Variants in TNR observed in about 807,000 individuals in gnomAD.
TNR encodes tenascin-R.
A neutral mutation model predicts 150.4 loss-of-function variants in TNR; 45 were observed. The observed-to-expected ratio is 0.30, with a 90% confidence interval of 0.24 to 0.38. The LOEUF is 0.38. TNR is among the 10% of genes least tolerant of loss of function. TNR has a pLI of 1.00. For missense variants in TNR, 1,544 were observed against 1,759.1 expected (o/e 0.88, Z 2.19); for synonymous variants, 687 against 678.4 (o/e 1.01, Z -0.20).
intron 2 of TNR, among the ~76,000 whole-genome samples, chr1:175,445,106 T>A (rs1210657664): frequency 6.6e-6 from 1 of 151,940 alleles, no homozygotes; most frequent in Non-Finnish European, 1.5e-5. Context: ...CCATCTCTAC[T>A]AAAAACACAA....
At chr1:175,341,212 C>T (rs1230330904) in intron 18 of TNR, among the ~76,000 whole-genome samples, 3 of 152,164 alleles carry the variant, frequency 2.0e-5, no homozygotes, top group Admixed American at 6.5e-5. Context: ...ATCAGAAACT[C>T]GCCTCTGACC....
intron 3 of TNR, among the ~76,000 whole-genome samples, chr1:175,405,771 C>T (rs1653926026): frequency 6.6e-6 from 1 of 152,024 alleles, no homozygotes; most frequent in South Asian, 2.1e-4. Context: ...AGAAAGGCTG[C>T]GATTGAGTGA....
chr1:175,581,096 T>C (rs931067775), intron 1 of TNR, among the ~76,000 whole-genome samples: 1 of 152,216 alleles, frequency 6.6e-6, no homozygotes, highest in Non-Finnish European at 1.5e-5. Context: ...CAGCTGGCTT[T>C]TAAATATCCA....
intron 2 of TNR, among the ~76,000 whole-genome samples, chr1:175,516,014 G>C (rs77485384): frequency 0.012 from 1,808 of 152,324 alleles, 28 homozygotes; most frequent in African/African-American, 0.041. Context: ...AGAATGGATG[G>C]ATGTGAGGAC....
chr1:175,713,039 T>G (rs2101937676), intron 1 of TNR, among the ~76,000 whole-genome samples: 1 of 152,242 alleles, frequency 6.6e-6, no homozygotes, highest in East Asian at 1.9e-4. Context: ...AGTCAGGACC[T>G]GAGTCCATAA....
chr1:175,708,285 A>T (rs1666898496), intron 1 of TNR, among the ~76,000 whole-genome samples: 1 of 152,158 alleles, frequency 6.6e-6, no homozygotes, highest in South Asian at 2.1e-4. Context: ...CCAAAAGGAC[A>T]GGCTCTCCAG....
intron 2 of TNR, among the ~76,000 whole-genome samples, chr1:175,509,384 G>T (rs1018142045): frequency 5.3e-5 from 8 of 152,194 alleles, no homozygotes; most frequent in African/African-American, 1.9e-4. Context: ...GGATGATAAA[G>T]CCTGTTTCCA....
chr1:175,431,929 C>A (rs1394522979), intron 2 of TNR, among the ~76,000 whole-genome samples: 2 of 151,958 alleles, frequency 1.3e-5, no homozygotes, highest in Non-Finnish European at 2.9e-5. Context: ...CTCTCTCTCT[C>A]TCTCTCCCTC....
chr1:175,402,914 G>A (rs1653781619), intron 4 of TNR, among the ~76,000 whole-genome samples: 1 of 152,168 alleles, frequency 6.6e-6, no homozygotes, highest in South Asian at 2.1e-4. Context: ...CCAGCTCTCA[G>A]CCTGAACTTG....
chr1:175,683,369 A>G (rs986503510), intron 1 of TNR, among the ~76,000 whole-genome samples: 1 of 152,198 alleles, frequency 6.6e-6, no homozygotes, highest in African/African-American at 2.4e-5. Flanking sequence ...TACTGATCAA[A>G]TTTAGTCTGG....
intron 1 of TNR, among the ~76,000 whole-genome samples, chr1:175,718,333 G>C (rs1197873326): frequency 6.6e-6 from 1 of 152,118 alleles, no homozygotes; most frequent in Non-Finnish European, 1.5e-5. Context: ...TTATGTTTCT[G>C]GATGAATAAT....
At chr1:175,530,955 G>C (rs1035518435) in intron 1 of TNR, among the ~76,000 whole-genome samples, 1 of 152,276 alleles carries the variant, frequency 6.6e-6, no homozygotes, top group East Asian at 1.9e-4. Context: ...CCCATGCCAG[G>C]CACCAGGAAT....
chr1:175,618,052 A>T (rs1663837895), intron 1 of TNR, among the ~76,000 whole-genome samples: 1 of 152,182 alleles, frequency 6.6e-6, no homozygotes, highest in African/African-American at 2.4e-5. Context: ...TTGTTACTTA[A>T]TTGGGAGGGT....
chr1:175,549,592 T>C (rs1571593323), intron 1 of TNR, among the ~76,000 whole-genome samples: 3 of 152,242 alleles, frequency 2.0e-5, no homozygotes, highest in African/African-American at 7.2e-5. Flanking sequence ...ATTATAGAGG[T>C]GGGCCTGTCC....
At chr1:175,588,258 C>T (rs1192539328) in intron 1 of TNR, among the ~76,000 whole-genome samples, 2 of 152,200 alleles carry the variant, frequency 1.3e-5, no homozygotes, top group African/African-American at 4.8e-5. Flanking sequence ...TATCTCAAAA[C>T]TTTGTGGCGG....
intron 1 of TNR, among the ~76,000 whole-genome samples, chr1:175,685,387 G>T (rs1176137826): frequency 6.6e-6 from 1 of 152,060 alleles, no homozygotes; most frequent in East Asian, 1.9e-4. Context: ...AATACTCATT[G>T]CACACTGCTG....
At chr1:175,627,873 CT>C (rs1445220190) in intron 1 of TNR, among the ~76,000 whole-genome samples, 1 of 152,164 alleles carries the variant, frequency 6.6e-6, no homozygotes. Context: ...AGACTTTGGC[CT>C]TTACCATAAT....
chr1:175,547,057 T>C (rs1254547413), intron 1 of TNR, among the ~76,000 whole-genome samples: 1 of 152,200 alleles, frequency 6.6e-6, no homozygotes, highest in African/African-American at 2.4e-5. Context: ...TGACACTCCA[T>C]TTAGGAGGTA....
At chr1:175,542,774 C>T (rs529143248) in intron 1 of TNR, among the ~76,000 whole-genome samples, 2 of 152,336 alleles carry the variant, frequency 1.3e-5, no homozygotes, top group South Asian at 2.1e-4. Context: ...TACATATACA[C>T]ACACATATAA....
Sources: allele counts gnomAD v4.1 joint callset (sites outside exome capture counted in the v4.1 genomes callset), GRCh38; gene constraint gnomAD v4.1.1; transcripts MANE v1.5; gene names NCBI Gene and HGNC (gene_info 2026-07-23, HGNC 2026-07-21).